SMS: variants seen among roughly 807,000 people sequenced by gnomAD.
The protein encoded by SMS is spermine synthase.
SMS carries 3 observed loss-of-function variants against 33.0 expected under a neutral mutation model. The ratio of observed to expected loss-of-function variants is 0.09; its 90% CI spans 0.04 to 0.23. SMS has a LOEUF of 0.23. Among genes scored for constraint, SMS ranks in the 10% least tolerant of loss-of-function variants. The probability of loss-of-function intolerance (pLI) is 1.00; values close to 1 mark genes in which losing one functional copy is unlikely to be tolerated. For missense variants in SMS, 117 were observed against 288.6 expected, an observed-to-expected ratio of 0.41 and a Z score of 4.31; for synonymous variants, 103 against 112.2, an observed-to-expected ratio of 0.92 and a Z score of 0.52.
intron 1 of SMS, among the ~76,000 whole-genome samples, chrX:21,957,668 A>G (rs1439718358): frequency 1.8e-5 from 2 of 112,045 alleles, no homozygotes; most frequent in Admixed American, 9.4e-5. Context: ...TTCTACTTCT[A>G]GTTCTTTAAG....
At chrX:21,941,695 GCCAA>G (rs947982304) in intron 1 of SMS, among the ~76,000 whole-genome samples, 4 of 108,028 alleles carry the variant, frequency 3.7e-5, no homozygotes, top group African/African-American at 1.3e-4. Flanking sequence ...GACCAGCCTA[GCCAA>G]CATGGTGAAA....
chrX:21,987,948 T>A (rs1320729120), intron 9 of SMS, among the ~76,000 whole-genome samples: 2 of 112,583 alleles, frequency 1.8e-5, no homozygotes, highest in Non-Finnish European at 3.8e-5. Context: ...CACAGCCCAT[T>A]TGTGAATATT....
At chrX:21,983,633 C>T (rs778896048) in intron 7 of SMS, among the ~76,000 whole-genome samples, 1 of 111,367 alleles carries the variant, frequency 9.0e-6, no homozygotes, top group Non-Finnish European at 1.9e-5. Context: ...AGCAGTAGCC[C>T]AAGCGTTAGA....
chrX:21,966,893 A>T (rs1038975754), intron 1 of SMS, among the ~76,000 whole-genome samples: 1 of 110,363 alleles, frequency 9.1e-6, no homozygotes, highest in Non-Finnish European at 1.9e-5. Flanking sequence ...TAGGCTGAAT[A>T]TGTCTACATC....
intron 10 of SMS, among the ~76,000 whole-genome samples, chrX:21,993,896 TCTC>T (rs886586193): frequency 3.7e-5 from 4 of 107,625 alleles, no homozygotes; most frequent in Admixed American, 1.0e-4. Flanking sequence ...CTTTTTTCCC[TCTC>T]CTCCTCCTTC....
At position 21,950,330 on chromosome X, in the gene SMS, TG is replaced by T. The variant is rs762336225; in HGVS notation, c.49+9462del. ...CTCAGTCCAAGTGTTTGTTCCTACG[TG>T]GGGGTTTGTCTAATTTGGAGCTGGA... On this transcript the variant is annotated intron_variant, in intron 1 of 10. Coordinates refer to ENST00000404933, the MANE Select transcript of SMS (RefSeq NM_004595.5). Among the ~76,000 whole-genome samples, 155 of 110,218 alleles carry T rather than the reference TG, an allele frequency of 1.4e-3. 1 individual carries two copies. Among genetic ancestry groups the T allele is most frequent in the African/African-American group, 4.8e-3 (144 of 30,251 alleles).
intron 3 of SMS, 97 bp from the exon 4 acceptor site, chrX:21,972,410 C>G: frequency 1.7e-6 from 1 of 580,336 alleles, no homozygotes; most frequent in Non-Finnish European, 3.0e-6. Flanking sequence ...GTCAATCTTG[C>G]ACAGCTCTGT....
At chrX:21,950,986 G>A (rs1355477105) in intron 1 of SMS, among the ~76,000 whole-genome samples, 1 of 111,912 alleles carries the variant, frequency 8.9e-6, no homozygotes, top group South Asian at 3.7e-4. Flanking sequence ...GGGTCAGATG[G>A]TTTTTCCGGT....
At chrX:21,947,255 C>A (rs902809926) in intron 1 of SMS, among the ~76,000 whole-genome samples, 2 of 111,617 alleles carry the variant, frequency 1.8e-5, no homozygotes, top group Non-Finnish European at 3.8e-5. Flanking sequence ...GTGATAACAC[C>A]GCAGGCACAG....
At chrX:21,952,421 GT>G (rs545894421) in intron 1 of SMS, among the ~76,000 whole-genome samples, 71 of 33,433 alleles carry the variant, frequency 2.1e-3, no homozygotes, top group East Asian at 5.1e-3. Context: ...TTGTTTGTTT[GT>G]TTTTTTTTTT....
intron 7 of SMS, among the ~76,000 whole-genome samples, chrX:21,980,053 T>G (rs1424696961): frequency 1.8e-5 from 2 of 110,509 alleles, no homozygotes; most frequent in African/African-American, 6.6e-5. Flanking sequence ...TGTACAAAAT[T>G]TCCAAGTAAA....
In SMS at chrX:21,940,814, C is replaced by A; in HGVS notation, c.-11C>A. 1.8e-6 allele frequency: 2 copies of A among 1,121,377 alleles called. No homozygotes were observed. The highest frequency in any genetic ancestry group is 2.3e-6 in the Non-Finnish European group (2 of 854,026). 92.4% of individuals were successfully genotyped at this position (1,121,377 alleles called of 1,213,427 possible). ...TGCTCCCCCAGGCATGGCACAGGGC[C>A]TCGCCTCACTATGGCAGCAGCACGG... On this transcript the variant is annotated 5_prime_UTR_variant, in exon 1 of 11. Transcript: ENST00000404933.
At chrX:21,972,675 G>A (rs1924253119) in intron 4 of SMS, 104 bp downstream of exon 4, 4 of 553,465 alleles carry the variant, frequency 7.2e-6, no homozygotes, top group East Asian at 7.3e-5. Context: ...TTAGGAGGCC[G>A]AGGCAGGCGG....
Position 21,977,106 on chromosome X carries a change from C to A in SMS, c.375C>A (p.Pro125=), listed in dbSNP as rs1357910181. 3 of 1,208,124 alleles carry A rather than the reference C, an allele frequency of 2.5e-6. No individual in the cohort carries two copies. Among genetic ancestry groups the A allele is most frequent in the African/African-American group, 1.7e-5 (1 of 57,242 alleles). ...VRGGAIDRYW[P]TADGRLVEYD... ...GAGGAGCCATCGACAGATACTGGCC[C>A]ACCGCCGACGGGCGCCTGGTTGAAT... Residue 125 remains proline, a synonymous_variant, in exon 5 of 11, where the codon CCC becomes CCA. Coordinates refer to ENST00000404933, the MANE Select transcript of SMS (RefSeq NM_004595.5).
intron 1 of SMS, among the ~76,000 whole-genome samples, chrX:21,951,709 A>G (rs1274330883): frequency 9.8e-6 from 1 of 102,202 alleles, no homozygotes; most frequent in African/African-American, 3.6e-5. Context: ...TCCTTTCCCC[A>G]TTGCTTGTTT....
intron 1 of SMS, chrX:21,959,986 A>G: frequency 2.8e-6 from 2 of 723,766 alleles, no homozygotes; most frequent in Non-Finnish European, 3.3e-6. Context: ...TTAGGTGGCA[A>G]GTGGTAAGCA....
At chrX:21,942,986 C>T (rs193163054) in intron 1 of SMS, among the ~76,000 whole-genome samples, 4 of 109,700 alleles carry the variant, frequency 3.6e-5, no homozygotes, top group African/African-American at 1.0e-4. Flanking sequence ...ATTACAGACT[C>T]GAGCCACCAC....
At chrX:21,978,497 C>T (rs1055442038) in intron 6 of SMS, among the ~76,000 whole-genome samples, 3 of 111,631 alleles carry the variant, frequency 2.7e-5, no homozygotes, top group Non-Finnish European at 3.8e-5. Flanking sequence ...ATTGCTTGAA[C>T]CCTAGGTGGC....
intron 4 of SMS, among the ~76,000 whole-genome samples, chrX:21,973,800 G>A (rs1309946965): frequency 8.8e-6 from 1 of 113,200 alleles, no homozygotes; most frequent in African/African-American, 3.2e-5. Flanking sequence ...CTGCCATGTG[G>A]GACAGTACAA....
Sources: allele counts gnomAD v4.1 joint callset (sites outside exome capture counted in the v4.1 genomes callset), GRCh38; gene constraint gnomAD v4.1.1; transcripts MANE v1.5; gene names NCBI Gene and HGNC (gene_info 2026-07-23, HGNC 2026-07-21).